The following NAV2 variants were observed in gnomAD, a reference collection of about 807,000 sequenced individuals.
NAV2 encodes the protein neuron navigator 2.
A neutral mutation model predicts 223.2 loss-of-function variants in NAV2; 54 were observed. The ratio of observed to expected loss-of-function variants is 0.24; its 90% CI spans 0.19 to 0.30. NAV2 has a LOEUF of 0.30. NAV2 is among the 10% of genes least tolerant of loss of function. The probability of loss-of-function intolerance (pLI) is 1.00; values close to 1 mark genes in which losing one functional copy is unlikely to be tolerated. For synonymous variants in NAV2, 1,279 were observed against 1,239.3 expected (o/e 1.03, Z -0.67); for missense variants, 2,806 against 3,147.5 (o/e 0.89, Z 2.60).
At chr11:19,886,850 C>T (rs1392736575) in intron 5 of NAV2, among the ~76,000 whole-genome samples, 1 of 152,198 alleles carries the variant, frequency 6.6e-6, no homozygotes, top group Non-Finnish European at 1.5e-5. Context: ...AAGCCAAGAT[C>T]TGGCTTTCCC....
At chr11:19,676,656 G>A (rs1366400600) in intron 1 of NAV2, among the ~76,000 whole-genome samples, 2 of 152,194 alleles carry the variant, frequency 1.3e-5, no homozygotes, top group Non-Finnish European at 2.9e-5. Context: ...ACTCTATGGG[G>A]TGGAGGCATC....
At chr11:19,394,046 T>C (rs573642524) in intron 1 of NAV2, among the ~76,000 whole-genome samples, 7 of 152,226 alleles carry the variant, frequency 4.6e-5, no homozygotes, top group Non-Finnish European at 7.4e-5. Flanking sequence ...CCTGCTTTAC[T>C]TGGGGGAGGC....
intron 23 of NAV2, 61 bp downstream of exon 23, chr11:20,077,696 C>T (rs753131227): frequency 7.7e-7 from 1 of 1,303,332 alleles, no homozygotes; most frequent in African/African-American, 1.5e-5. Flanking sequence ...CTTGAAAATA[C>T]TATTCTTTCA....
At chr11:19,613,032 G>A (rs1835923063) in intron 1 of NAV2, among the ~76,000 whole-genome samples, 1 of 152,214 alleles carries the variant, frequency 6.6e-6, no homozygotes, top group Non-Finnish European at 1.5e-5. Flanking sequence ...GCAGTGGCAA[G>A]AGAGAATGAG....
intron 10 of NAV2, among the ~76,000 whole-genome samples, chr11:19,960,525 T>A (rs1191486616): frequency 6.6e-6 from 1 of 152,186 alleles, no homozygotes; most frequent in Non-Finnish European, 1.5e-5. Context: ...GTGACTTTGG[T>A]GCTCTTGTTG....
intron 1 of NAV2, among the ~76,000 whole-genome samples, chr11:19,697,116 A>G (rs180803326): frequency 8.5e-5 from 13 of 152,342 alleles, no homozygotes; most frequent in African/African-American, 3.1e-4. Context: ...GAACAAAATC[A>G]TGCCCTTTGC....
intron 10 of NAV2, among the ~76,000 whole-genome samples, chr11:19,961,811 T>C (rs185651937): frequency 2.6e-5 from 4 of 152,208 alleles, no homozygotes; most frequent in Admixed American, 2.6e-4. Context: ...CTTTTTAGTC[T>C]TTTATTTTAT....
At chr11:19,855,744 G>A (rs975762356) in intron 3 of NAV2, among the ~76,000 whole-genome samples, 6 of 152,224 alleles carry the variant, frequency 3.9e-5, no homozygotes, top group African/African-American at 1.2e-4. Context: ...TCTCCAAGGA[G>A]ATTGTACAGA....
intron 10 of NAV2, among the ~76,000 whole-genome samples, chr11:19,963,815 G>A (rs375097982): frequency 2.6e-5 from 4 of 152,182 alleles, no homozygotes; most frequent in East Asian, 3.8e-4. Context: ...AATGAAAACC[G>A]ATGAGGTGCT....
chr11:19,642,947 A>C (rs1307002684), intron 1 of NAV2, among the ~76,000 whole-genome samples: 1 of 152,116 alleles, frequency 6.6e-6, no homozygotes, highest in Non-Finnish European at 1.5e-5. Flanking sequence ...CTGTTGGAGA[A>C]ACAAAAACAT....
Position 19,948,897 on chromosome 11 carries a change from A to G in NAV2, c.2462A>G (p.Tyr821Cys), listed in dbSNP as rs559531883. 9.3e-6 allele frequency: 15 copies of G among 1,614,024 alleles called. No homozygotes were observed. The South Asian group carries it at 1.2e-4, about 13-fold the overall frequency. ...TTCATCAACACTGAGTCAGGTCGCT[A>G]TGTGTACTCCGCCCCTCTGAGAAGG... ...SRFINTESGRYVYSAPLRRQL... is the reference protein window; with the variant it reads ...SRFINTESGRCVYSAPLRRQL... Residue 821 changes from tyrosine to cysteine, a missense_variant, in exon 10 of 38, where the codon TAT becomes TGT. Tyr to Cys is a radical substitution (Grantham distance 194). Transcript: ENST00000349880.
At chr11:19,907,585 A>G (rs2042979338) in intron 6 of NAV2, among the ~76,000 whole-genome samples, 1 of 152,130 alleles carries the variant, frequency 6.6e-6, no homozygotes, top group Admixed American at 6.5e-5. Context: ...TGAAAGAAGC[A>G]TTTGTTAGGT....
chr11:19,588,863 GA>G (rs1243297993), intron 1 of NAV2, among the ~76,000 whole-genome samples: 1 of 152,186 alleles, frequency 6.6e-6, no homozygotes, highest in Non-Finnish European at 1.5e-5. Context: ...GTTAGAGGGG[GA>G]AAAAGAAGCC....
intron 1 of NAV2, among the ~76,000 whole-genome samples, chr11:19,773,407 A>G (rs997169670): frequency 6.6e-6 from 1 of 152,194 alleles, no homozygotes; most frequent in African/African-American, 2.4e-5. Flanking sequence ...ATGAGAGTTC[A>G]AGAATGGTCA....
At chr11:19,682,148 AC>A (rs758766290) in intron 1 of NAV2, among the ~76,000 whole-genome samples, 12 of 152,002 alleles carry the variant, frequency 7.9e-5, no homozygotes, top group Admixed American at 1.3e-4. Context: ...CCCATGGTAC[AC>A]CCTACACATT....
At chr11:19,859,137 C>CTCTTTTTTTTTTT (rs1467179579) in intron 3 of NAV2, among the ~76,000 whole-genome samples, 2 of 107,108 alleles carry the variant, frequency 1.9e-5, no homozygotes, top group African/African-American at 6.8e-5. Context: ...ATCATATTCT[C>CTCTTTTTTTTTTT]TTTTTTTTTT....
chr11:19,898,502 T>G (rs1466256871), intron 6 of NAV2, among the ~76,000 whole-genome samples: 2 of 152,214 alleles, frequency 1.3e-5, no homozygotes, highest in Non-Finnish European at 2.9e-5. Flanking sequence ...TGGACAGCCT[T>G]TCTCGTTTGT....
chr11:19,968,218 A>T (rs2048932295), intron 10 of NAV2, among the ~76,000 whole-genome samples: 1 of 152,106 alleles, frequency 6.6e-6, no homozygotes, highest in Non-Finnish European at 1.5e-5. Context: ...TTGTTTTGAG[A>T]TAGAGTTTCA....
At chr11:20,073,034 C>T (rs2059498402) in intron 22 of NAV2, among the ~76,000 whole-genome samples, 1 of 152,138 alleles carries the variant, frequency 6.6e-6, no homozygotes, top group Non-Finnish European at 1.5e-5. Context: ...GGGAATGCTT[C>T]CAGTCTTTGC....
Sources: gnomAD v4.1 joint callset for allele counts (sites outside exome capture counted in the v4.1 genomes callset) on GRCh38, gnomAD v4.1.1 for gene constraint, MANE v1.5 for transcripts, NCBI Gene and HGNC (gene_info 2026-07-23, HGNC 2026-07-21) for gene names.